Variants in TNKS observed in about 807,000 individuals in gnomAD.
TNKS encodes the protein tankyrase, also known as poly [ADP-ribose] polymerase tankyrase-1.
In TNKS, 72 loss-of-function variants were observed where a neutral mutation model predicts 135.8. The observed-to-expected ratio is 0.53, with a 90% confidence interval of 0.44 to 0.64. The LOEUF (loss-of-function observed/expected upper bound fraction) is 0.64. TNKS is among the 30% of genes least tolerant of loss of function. TNKS has a pLI of 0.00. For missense variants in TNKS, 1,769 were observed against 1,674.0 expected (o/e 1.06, Z -0.99); for synonymous variants, 849 against 649.3 (o/e 1.31, Z -4.68).
chr8:9,621,498 G>T (rs1252426282), intron 3 of TNKS, among the ~76,000 whole-genome samples: 1 of 152,086 alleles, frequency 6.6e-6, no homozygotes, highest in East Asian at 1.9e-4. Context: ...TAGAGATGGG[G>T]TTTCACTATG....
chr8:9,767,381 T>C (rs1375393985), intron 25 of TNKS, among the ~76,000 whole-genome samples: 1 of 152,184 alleles, frequency 6.6e-6, no homozygotes, highest in African/African-American at 2.4e-5. Context: ...TTGGGATTTA[T>C]TACATTTCTG....
At chr8:9,735,177 G>A in intron 16 of TNKS, 93 bp downstream of exon 16, 1 of 1,283,964 alleles carries the variant, frequency 7.8e-7, no homozygotes, top group Non-Finnish European at 1.1e-6. Context: ...AACACAAATG[G>A]GACTACTTAG....
intron 1 of TNKS, among the ~76,000 whole-genome samples, chr8:9,574,095 G>C (rs898288705): frequency 1.3e-5 from 2 of 152,200 alleles, no homozygotes; most frequent in African/African-American, 2.4e-5. Context: ...GTTAGGCTAT[G>C]TGTTAGGAAT....
At chr8:9,558,920 C>T (rs1797201957) in intron 1 of TNKS, 1 of 151,942 alleles carries the variant, frequency 6.6e-6, no homozygotes, top group African/African-American at 2.4e-5. Context: ...CATGTATAGG[C>T]TGAGAAATGA....
At chr8:9,575,243 C>T (rs1010059029) in intron 1 of TNKS, 12 of 487,378 alleles carry the variant, frequency 2.5e-5, no homozygotes, top group African/African-American at 2.1e-4. Flanking sequence ...CCCGCCACCA[C>T]GCAGGGCTAA....
chr8:9,612,848 A>G (rs1392509549), intron 2 of TNKS, among the ~76,000 whole-genome samples: 1 of 146,482 alleles, frequency 6.8e-6, no homozygotes, highest in Non-Finnish European at 1.5e-5. Flanking sequence ...AACAGTCAAC[A>G]CTTATTTTGT....
intron 2 of TNKS, among the ~76,000 whole-genome samples, chr8:9,581,905 T>C (rs1009448771): frequency 6.6e-6 from 1 of 152,152 alleles, no homozygotes; most frequent in African/African-American, 2.4e-5. Context: ...AGACTAGATA[T>C]GGGGCTTGAA....
chr8:9,560,881 C>A (rs1182484326), intron 1 of TNKS, among the ~76,000 whole-genome samples: 1 of 151,934 alleles, frequency 6.6e-6, no homozygotes, highest in African/African-American at 2.4e-5. Context: ...TTACAGAGAA[C>A]TTTTAGTTAG....
rs1585467856 is a variant in TNKS at position 9,779,682 on chromosome 8, A to T, written c.*2946A>T. On this transcript the variant is annotated 3_prime_UTR_variant, in exon 27 of 27. Coordinates refer to ENST00000310430, the MANE Select transcript of TNKS (RefSeq NM_003747.3). Reference sequence around the variant, plus strand: ...ATTTTCTCCTCATCTTGGGTCTTAAAAAAGGAGACCAGATACCTCCTAGCT... The same window carrying T: ...ATTTTCTCCTCATCTTGGGTCTTAATAAAGGAGACCAGATACCTCCTAGCT... 1 of 152,220 alleles carries T rather than the reference A, an allele frequency of 6.6e-6. No individual in the cohort carries two copies. The highest frequency in any genetic ancestry group is 2.4e-5 in the African/African-American group (1 of 41,462). 9.4% of individuals were successfully genotyped at this position (152,220 alleles called of 1,614,324 possible).
intron 6 of TNKS, among the ~76,000 whole-genome samples, chr8:9,705,460 G>T (rs1803998500): frequency 6.6e-6 from 1 of 152,168 alleles, no homozygotes. Context: ...ATAAAGAAGA[G>T]ATGCCCTAGA....
intron 1 of TNKS, chr8:9,557,126 A>C: frequency 6.2e-6 from 1 of 161,386 alleles, no homozygotes; most frequent in African/African-American, 2.4e-5. Context: ...AGAAGTTTGC[A>C]GTCTAGACGG....
chr8:9,660,175 C>A (rs1003871143), intron 3 of TNKS, among the ~76,000 whole-genome samples: 1 of 152,170 alleles, frequency 6.6e-6, no homozygotes, highest in African/African-American at 2.4e-5. Flanking sequence ...GGAGCTGGTA[C>A]CATTCCTTCT....
intron 15 of TNKS, among the ~76,000 whole-genome samples, chr8:9,733,796 G>A (rs1805559674): frequency 6.6e-6 from 1 of 151,974 alleles, no homozygotes. Flanking sequence ...TTCTTTGTTG[G>A]CTATTTTATT....
intron 3 of TNKS, among the ~76,000 whole-genome samples, chr8:9,661,519 C>A: frequency 6.6e-6 from 1 of 151,984 alleles, no homozygotes. Flanking sequence ...GCTGGGAAAA[C>A]TGGCTAGCCG....
intron 5 of TNKS, among the ~76,000 whole-genome samples, chr8:9,690,302 T>C (rs1451204651): frequency 6.6e-6 from 1 of 152,184 alleles, no homozygotes; most frequent in Admixed American, 6.6e-5. Flanking sequence ...ACAATGATAA[T>C]GTGACGTTAA....
At position 9,778,768 on chromosome 8, in the gene TNKS, T is replaced by G. The variant is rs1808342095; in HGVS notation, c.*2032T>G. On this transcript the variant is annotated 3_prime_UTR_variant, in exon 27 of 27. Transcript: ENST00000310430. ...TTTTCAGTAGCTGTCAAGTGTGTCT[T>G]ACTTACCTTCCCCCAGACGTAGTTT... The G allele has an allele frequency of 6.6e-6, 1 of 152,332 alleles. No individual in the cohort carries two copies. The highest frequency in any genetic ancestry group is 1.5e-5 in the Non-Finnish European group (1 of 68,038). 9.4% of individuals were successfully genotyped at this position (152,332 alleles called of 1,614,324 possible).
chr8:9,736,163 C>T (rs992918057), intron 17 of TNKS, among the ~76,000 whole-genome samples: 11 of 150,806 alleles, frequency 7.3e-5, no homozygotes, highest in African/African-American at 2.7e-4. Flanking sequence ...ACTAGAAAAG[C>T]TGTGCAGCTG....
intron 3 of TNKS, among the ~76,000 whole-genome samples, chr8:9,621,707 A>T (rs934183696): frequency 2.0e-5 from 3 of 152,276 alleles, no homozygotes; most frequent in East Asian, 3.9e-4. Flanking sequence ...AGACTATATG[A>T]TTATTTTTCT....
chr8:9,664,585 G>T (rs1801901910), intron 3 of TNKS, among the ~76,000 whole-genome samples: 1 of 152,050 alleles, frequency 6.6e-6, no homozygotes, highest in Admixed American at 6.6e-5. Context: ...AGAGATTTAG[G>T]GGCTATGTGC....
Sources: allele counts gnomAD v4.1 joint callset (sites outside exome capture counted in the v4.1 genomes callset), GRCh38; gene constraint gnomAD v4.1.1; transcripts MANE v1.5; gene names NCBI Gene and HGNC (gene_info 2026-07-23, HGNC 2026-07-21).